Variants in NIPAL2 observed in about 807,000 individuals in gnomAD.
NIPAL2 encodes the protein NIPA like domain containing 2, also known as NIPA-like protein 2.
In NIPAL2, 43 loss-of-function variants were observed where a neutral mutation model predicts 48.9. The observed-to-expected ratio is 0.88, with a 90% CI of 0.69 to 1.13. NIPAL2 has a LOEUF of 1.13. Among genes scored for constraint, NIPAL2 ranks in the 50% most tolerant of loss-of-function variants. NIPAL2 has a pLI of 0.00. For missense variants in NIPAL2, 446 were observed against 461.4 expected (o/e 0.97, Z 0.31); for synonymous variants, 167 against 174.6 (o/e 0.96, Z 0.34).
intron 1 of NIPAL2, among the ~76,000 whole-genome samples, chr8:98,260,696 T>G (rs1196955855): frequency 6.6e-6 from 1 of 151,986 alleles, no homozygotes; most frequent in Non-Finnish European, 1.5e-5. Context: ...GCAGCGAGGC[T>G]GGGGGAGGGG....
At chr8:98,248,552 T>G (rs957135428) in intron 3 of NIPAL2, among the ~76,000 whole-genome samples, 3 of 152,232 alleles carry the variant, frequency 2.0e-5, no homozygotes, top group Non-Finnish European at 4.4e-5. Context: ...AAATTGGTTT[T>G]AATAATTTGC....
At chr8:98,225,886 GC>G (rs1318309127) in intron 4 of NIPAL2, among the ~76,000 whole-genome samples, 2 of 151,852 alleles carry the variant, frequency 1.3e-5, no homozygotes, top group Admixed American at 6.6e-5. Flanking sequence ...GATCTTGTAA[GC>G]GTGTTCCATT....
chr8:98,259,070 C>CTTTTTTTTT (rs869220202), intron 1 of NIPAL2, among the ~76,000 whole-genome samples: 12 of 41,870 alleles, frequency 2.9e-4, no homozygotes, highest in African/African-American at 1.2e-3. Context: ...TTAAATATTC[C>CTTTTTTTTT]TTTTTTTTTT....
rs374483877 is a variant in NIPAL2, at chr8:98,286,686, G to A, written c.135+7317C>T. Among the ~76,000 whole-genome samples the A allele has an allele frequency of 1.1e-4, 16 of 152,060 alleles. No individual in the cohort carries two copies. In the East Asian group the frequency reaches 2.3e-3, roughly 22 times the overall value. On this transcript the variant is annotated intron_variant, in intron 1 of 10. Transcript: ENST00000430223. ...TATCTGGGCGTGGTGGTACACGCCT[G>A]TAGTCCCAGCTACTCAGGAGGCTGC...
intron 6 of NIPAL2, among the ~76,000 whole-genome samples, chr8:98,207,977 G>A (rs1325490195): frequency 1.3e-5 from 2 of 151,652 alleles, no homozygotes; most frequent in East Asian, 1.9e-4. Flanking sequence ...GAATATTCTT[G>A]AACGTAAGTC....
intron 3 of NIPAL2, 136 bp from the exon 4 acceptor site, chr8:98,236,350 G>C: frequency 1.8e-6 from 1 of 557,070 alleles, no homozygotes; most frequent in Middle Eastern, 2.8e-4. Flanking sequence ...AGCAGTTGTG[G>C]CTATAAAAAG....
intron 1 of NIPAL2, 39 bp from the exon 2 acceptor site, chr8:98,254,126 G>A (rs145320047): frequency 2.0e-6 from 3 of 1,510,666 alleles, no homozygotes; most frequent in South Asian, 2.3e-5. Flanking sequence ...ATACTTGTAA[G>A]ATATTTACTG....
intron 1 of NIPAL2, among the ~76,000 whole-genome samples, chr8:98,278,711 AG>A (rs1259347213): frequency 2.6e-5 from 4 of 152,216 alleles, no homozygotes; most frequent in Non-Finnish European, 5.9e-5. Flanking sequence ...CCTAATGACT[AG>A]TATAGACCTG....
intron 1 of NIPAL2, among the ~76,000 whole-genome samples, chr8:98,279,920 G>C (rs1036863659): frequency 1.3e-5 from 2 of 152,172 alleles, no homozygotes; most frequent in African/African-American, 2.4e-5. Flanking sequence ...TGGCAAATAC[G>C]TGGTGGCAGC....
chr8:98,288,900 C>G (rs1024037770), intron 1 of NIPAL2, among the ~76,000 whole-genome samples: 2 of 152,208 alleles, frequency 1.3e-5, no homozygotes, highest in East Asian at 3.8e-4. Flanking sequence ...CCCATCACAA[C>G]CCTCTCTCTT....
intron 3 of NIPAL2, among the ~76,000 whole-genome samples, chr8:98,244,150 C>T (rs1289395549): frequency 6.8e-6 from 1 of 146,012 alleles, no homozygotes; most frequent in Non-Finnish European, 1.5e-5. Context: ...GTTTGGTTGA[C>T]AGGTTACAAA....
Position 98,236,188 on chromosome 8 carries a change from G to T in NIPAL2, c.403C>A (p.Leu135Met). The T allele has an allele frequency of 1.2e-6, 2 of 1,603,436 alleles. No individual in the cohort carries two copies. The highest frequency in any genetic ancestry group is 1.7e-6 in the Non-Finnish European group (2 of 1,173,786). Residue 135 changes from leucine (L) to methionine (M), a missense_variant, in exon 4 of 11, where the codon CTG (leucine) becomes ATG (methionine). By Grantham distance (15) the Leu-to-Met change is conservative. Coordinates refer to ENST00000430223, the MANE Select transcript of NIPAL2 (RefSeq NM_001321635.2). The part of the protein sequence containing the change: ...TGSAIISVTF[L>M]KDNLRASDLL... ...TCTGAGGCTCTCAAATTGTCTTTCA[G>T]AAATGTAACAGAAATAATGGCACTA...
At chr8:98,287,380 C>A (rs999329466) in intron 1 of NIPAL2, among the ~76,000 whole-genome samples, 1 of 152,086 alleles carries the variant, frequency 6.6e-6, no homozygotes, top group Non-Finnish European at 1.5e-5. Flanking sequence ...GAAAATGACT[C>A]TCATTAGGAA....
intron 1 of NIPAL2, among the ~76,000 whole-genome samples, chr8:98,271,200 A>C (rs907492266): frequency 5.3e-5 from 8 of 152,126 alleles, no homozygotes; most frequent in Non-Finnish European, 8.8e-5. Context: ...GTACCATATA[A>C]ATTTTAGAAC....
At chr8:98,238,805 G>T (rs1812846009) in intron 3 of NIPAL2, among the ~76,000 whole-genome samples, 1 of 152,120 alleles carries the variant, frequency 6.6e-6, no homozygotes, top group Non-Finnish European at 1.5e-5. Flanking sequence ...ATAAACTAAT[G>T]CATGACTACA....
In NIPAL2 at chr8:98,289,371, A is replaced by C. The variant is rs569024337; in HGVS notation, c.135+4632T>G. 2.0e-5 allele frequency among the ~76,000 whole-genome samples: 3 copies of C among 152,302 alleles called. No individual in the cohort carries two copies. The South Asian group carries it at 6.2e-4, about 32-fold the overall frequency. On this transcript the variant is annotated intron_variant, in intron 1 of 10. Coordinates refer to ENST00000430223, the MANE Select transcript of NIPAL2 (RefSeq NM_001321635.2). The stretch of plus-strand genomic sequence containing the variant: ...CAGGTAGATTTAAATGGAAATATCT[A>C]GTCTGCCACATATACAAGTATATTA...
intron 3 of NIPAL2, among the ~76,000 whole-genome samples, chr8:98,242,306 A>G (rs1182370314): frequency 1.3e-5 from 2 of 151,650 alleles, no homozygotes; most frequent in African/African-American, 4.8e-5. Context: ...CAGCCTCCCA[A>G]GGAGCTGGGA....
intron 6 of NIPAL2, among the ~76,000 whole-genome samples, chr8:98,211,405 C>G (rs1193380738): frequency 6.6e-6 from 1 of 152,168 alleles, no homozygotes; most frequent in Non-Finnish European, 1.5e-5. Context: ...TTCTCTTGAT[C>G]TATAGCATAC....
At chr8:98,276,108 G>A (rs1815443213) in intron 1 of NIPAL2, among the ~76,000 whole-genome samples, 1 of 152,010 alleles carries the variant, frequency 6.6e-6, no homozygotes, top group Non-Finnish European at 1.5e-5. Flanking sequence ...ATCACCCAAA[G>A]TTCATAGTTT....
Sources: allele counts gnomAD v4.1 joint callset (sites outside exome capture counted in the v4.1 genomes callset), GRCh38; gene constraint gnomAD v4.1.1; transcripts MANE v1.5; gene names NCBI Gene and HGNC (gene_info 2026-07-23, HGNC 2026-07-21).